Variants in SMU1 observed in about 807,000 individuals in gnomAD.
SMU1 encodes the protein WD40 repeat-containing protein SMU1.
Under a neutral mutation model 62.0 loss-of-function variants are expected in SMU1, and 2 were observed. The observed-to-expected ratio is 0.03, with a 90% CI of 0.01 to 0.10. SMU1 has a LOEUF of 0.10. SMU1 is among the 10% of genes least tolerant of loss of function. The pLI is 1.00. For missense variants in SMU1, 227 were observed against 622.1 expected (o/e 0.36, Z 6.76); for synonymous variants, 188 against 212.4 (o/e 0.89, Z 1.00).
Position 33,051,107 on chromosome 9 carries a change from C to T in SMU1, c.1290+2016G>A, listed in dbSNP as rs573025351. Among the ~76,000 whole-genome samples, 610 of 64,348 alleles carry T rather than the reference C, an allele frequency of 9.5e-3. 119 individuals are homozygous for T. The highest frequency in any genetic ancestry group is 0.011 in the Non-Finnish European group (291 of 26,890). 42.2% of individuals were successfully genotyped at this position (64,348 alleles called of 152,430 possible). A position where few individuals can be genotyped will look rare whatever the true frequency, so the allele number is the denominator to read the frequency against. Reference sequence around the variant, plus strand: ...CTGCACTCCAGCCTGGGCGACAGAGCGAGACTCTGTCTCAAAAAAAAAAAA... The same window carrying T: ...CTGCACTCCAGCCTGGGCGACAGAGTGAGACTCTGTCTCAAAAAAAAAAAA... On this transcript the variant is annotated intron_variant, in intron 10 of 11. Transcript: ENST00000397149.
chr9:33,047,211 G>GC lies in SMU1; in HGVS notation c.*81dup, dbSNP rs142403776. ...ACAATCTATTTGCTTAGAAAAGCTGGCAAAAAAAAAAAAAAGCACATTACA... is the reference window on the plus strand; with the variant it reads ...ACAATCTATTTGCTTAGAAAAGCTGGCCAAAAAAAAAAAAAAGCACATTACA... On this transcript the variant is annotated 3_prime_UTR_variant, in exon 12 of 12. Coordinates refer to ENST00000397149, the MANE Select transcript of SMU1 (RefSeq NM_018225.3). The GC allele has an allele frequency of 0.016, 9,491 of 580,464 alleles. 205 individuals carry two copies. The African/African-American group carries it at 0.17, about 10-fold the overall frequency. 36.0% of individuals were successfully genotyped at this position (580,464 alleles called of 1,614,324 possible).
At chr9:33,074,495 A>T (rs568006780) in intron 1 of SMU1, among the ~76,000 whole-genome samples, 29 of 152,234 alleles carry the variant, frequency 1.9e-4, no homozygotes, top group Middle Eastern at 3.4e-3. Flanking sequence ...TTGTGGTCCC[A>T]GCTACCTGGG....
At chr9:33,069,661 C>T (rs924952204) in intron 3 of SMU1, among the ~76,000 whole-genome samples, 6 of 151,966 alleles carry the variant, frequency 3.9e-5, no homozygotes, top group African/African-American at 1.5e-4. Flanking sequence ...ACTAGCCAGG[C>T]CATAGTGGTG....
chr9:33,056,615 T>C (rs1264045791), intron 8 of SMU1, among the ~76,000 whole-genome samples: 1 of 152,194 alleles, frequency 6.6e-6, no homozygotes, highest in Non-Finnish European at 1.5e-5. Context: ...CATGAAGCAC[T>C]GCTACCCCCT....
At chr9:33,051,781 G>A (rs995095683) in intron 10 of SMU1, among the ~76,000 whole-genome samples, 4 of 152,098 alleles carry the variant, frequency 2.6e-5, no homozygotes, top group Admixed American at 6.5e-5. Context: ...CTGGCCAGGC[G>A]CAGTGGCTCA....
chr9:33,076,347 G>T (rs529013594), intron 1 of SMU1, among the ~76,000 whole-genome samples: 1 of 152,290 alleles, frequency 6.6e-6, no homozygotes, highest in East Asian at 1.9e-4. Context: ...GGTCTGCAAG[G>T]TGTGTTTTCC....
intron 4 of SMU1, among the ~76,000 whole-genome samples, chr9:33,065,056 C>G (rs958181304): frequency 6.6e-6 from 1 of 152,066 alleles, no homozygotes; most frequent in Admixed American, 6.6e-5. Flanking sequence ...TTTTACTTTT[C>G]TTCTTCTACA....
At position 33,045,719 on chromosome 9, in the gene SMU1, C is replaced by T. The variant is rs985384442; in HGVS notation, c.*1574G>A. ...AATTAGCCAGGCATGCTGGCATGCG[C>T]CTGTAGTCCCAGCTACTTGGGAGGC... On this transcript the variant is annotated 3_prime_UTR_variant, in exon 12 of 12. Coordinates refer to ENST00000397149, the MANE Select transcript of SMU1 (RefSeq NM_018225.3). 1 of 152,308 alleles carries T rather than the reference C, an allele frequency of 6.6e-6. No homozygotes were observed. Among genetic ancestry groups the T allele is most frequent in the Non-Finnish European group, 1.5e-5 (1 of 68,136 alleles). 9.4% of individuals were successfully genotyped at this position (152,308 alleles called of 1,614,324 possible).
At chr9:33,048,721 G>A (rs1839212786) in intron 10 of SMU1, among the ~76,000 whole-genome samples, 1 of 152,168 alleles carries the variant, frequency 6.6e-6, no homozygotes, top group East Asian at 1.9e-4. Flanking sequence ...CAAGCTGAGA[G>A]AAACCAATCT....
chr9:33,053,368 A>G (rs1410428871), intron 9 of SMU1, 78 bp from the exon 10 acceptor site: 4 of 1,362,516 alleles, frequency 2.9e-6, no homozygotes, highest in Non-Finnish European at 4.0e-6. Flanking sequence ...AAATATTAAC[A>G]GTTTACTAAA....
intron 11 of SMU1, 142 bp from the exon 12 acceptor site, chr9:33,047,533 G>A (rs1839200033): frequency 3.4e-6 from 2 of 583,812 alleles, no homozygotes; most frequent in African/African-American, 1.9e-5. Context: ...ATGGAGGAGG[G>A]TTTTCCAACT....
At chr9:33,076,046 G>A (rs1839542432) in intron 1 of SMU1, among the ~76,000 whole-genome samples, 1 of 152,164 alleles carries the variant, frequency 6.6e-6, no homozygotes, top group Non-Finnish European at 1.5e-5. Context: ...CTTCCTCTAA[G>A]GTATGCTAGA....
intron 3 of SMU1, among the ~76,000 whole-genome samples, chr9:33,071,072 A>G (rs1344671899): frequency 6.6e-6 from 1 of 152,190 alleles, no homozygotes; most frequent in Non-Finnish European, 1.5e-5. Context: ...TACTCCATTT[A>G]CCCTCATTAT....
rs536459692 is a variant in SMU1, at chr9:33,072,518, T to C, written c.238-626A>G. ...TTACCAAAATTTTCTTTGGGAATTA[T>C]TGAACTCATACGGATTGTAAAGAAA... On this transcript the variant is annotated intron_variant, in intron 2 of 11. Coordinates refer to ENST00000397149, the MANE Select transcript of SMU1 (RefSeq NM_018225.3). Among the ~76,000 whole-genome samples, 158 of 152,236 alleles carry C rather than the reference T, an allele frequency of 1.0e-3. 1 individual carries two copies. Among genetic ancestry groups the C allele is most frequent in the African/African-American group, 3.4e-3 (143 of 41,536 alleles).
Position 33,045,851 on chromosome 9 carries a change from A to C in SMU1, c.*1442T>G, listed in dbSNP as rs1334783980. ...CAGAGCAAGACTCCATCTCAGAAAAATAAAATAAATTTTTTAAAAAGGTAA... is the reference window on the plus strand; with the variant it reads ...CAGAGCAAGACTCCATCTCAGAAAACTAAAATAAATTTTTTAAAAAGGTAA... On this transcript the variant is annotated 3_prime_UTR_variant, in exon 12 of 12. Transcript: ENST00000397149. 6.6e-6 allele frequency: 1 copy of C among 152,258 alleles called. No homozygotes were observed. The highest frequency in any genetic ancestry group is 1.5e-5 in the Non-Finnish European group (1 of 68,052). 9.4% of individuals were successfully genotyped at this position (152,258 alleles called of 1,614,324 possible). A position where few individuals can be genotyped will look rare whatever the true frequency, so the allele number is the denominator to read the frequency against.
At chr9:33,053,947 T>A (rs1056878907) in intron 9 of SMU1, among the ~76,000 whole-genome samples, 2 of 152,214 alleles carry the variant, frequency 1.3e-5, no homozygotes, top group African/African-American at 4.8e-5. Flanking sequence ...TCAACACTGC[T>A]ACTGTCATAA....
chr9:33,051,308 G>C (rs1479145636), intron 10 of SMU1, among the ~76,000 whole-genome samples: 1 of 152,150 alleles, frequency 6.6e-6, no homozygotes, highest in Admixed American at 6.5e-5. Context: ...CCGGAAGTTA[G>C]TGGGGAAGGA....
chr9:33,053,468 C>T (rs185919922), intron 9 of SMU1, among the ~76,000 whole-genome samples, 178 bp from the exon 10 acceptor site: 11 of 152,286 alleles, frequency 7.2e-5, no homozygotes, highest in Admixed American at 5.9e-4. Context: ...AGTTTTCCTT[C>T]GGTATCTGTG....
At chr9:33,075,553 C>T (rs952539625) in intron 1 of SMU1, among the ~76,000 whole-genome samples, 1 of 152,178 alleles carries the variant, frequency 6.6e-6, no homozygotes, top group African/African-American at 2.4e-5. Flanking sequence ...TCATCTCTCT[C>T]CTCAAACAGC....
Sources: allele counts gnomAD v4.1 joint callset (sites outside exome capture counted in the v4.1 genomes callset), GRCh38; gene constraint gnomAD v4.1.1; transcripts MANE v1.5; gene names NCBI Gene and HGNC (gene_info 2026-07-23, HGNC 2026-07-21).